SMOC2: variants seen among roughly 807,000 people sequenced by gnomAD.
The protein encoded by SMOC2 is SPARC related modular calcium binding 2.
Under a neutral mutation model 61.4 loss-of-function variants are expected in SMOC2, and 39 were observed. The ratio of observed to expected loss-of-function variants is 0.64; its 90% confidence interval spans 0.49 to 0.83. SMOC2 has a LOEUF of 0.83. SMOC2 is among the 40% of genes least tolerant of loss of function. The probability of loss-of-function intolerance (pLI) is 0.00; values close to 1 mark genes in which losing one functional copy is unlikely to be tolerated. For missense variants in SMOC2, 556 were observed against 592.9 expected, an observed-to-expected ratio of 0.94 and a Z score of 0.65; for synonymous variants, 247 against 239.9, an observed-to-expected ratio of 1.03 and a Z score of -0.27.
At chr6:168,494,834 G>A (rs951107299) in intron 1 of SMOC2, among the ~76,000 whole-genome samples, 1 of 152,344 alleles carries the variant, frequency 6.6e-6, no homozygotes, top group Middle Eastern at 3.4e-3. Context: ...CCCAGCTGCT[G>A]GGATGGAATC....
At position 168,565,740 on chromosome 6, in the gene SMOC2, G is replaced by A. The variant is rs1331143988; in HGVS notation, c.637+16537G>A. On this transcript the variant is annotated intron_variant, in intron 7 of 12. Coordinates refer to ENST00000356284, the MANE Select transcript of SMOC2 (RefSeq NM_001166412.2). ...CTGCTCTGTCCTCAGGTCTATTGAC[G>A]GCACCACCAACGCCATCACCCTTCT... Among the ~76,000 whole-genome samples, 6 of 152,120 alleles carry A rather than the reference G, an allele frequency of 3.9e-5. No individual in the cohort carries two copies. In the East Asian group the frequency reaches 9.6e-4, roughly 24 times the overall value.
chr6:168,661,905 A>G (rs1787518841), intron 11 of SMOC2, among the ~76,000 whole-genome samples: 1 of 152,242 alleles, frequency 6.6e-6, no homozygotes, highest in Admixed American at 6.5e-5. Context: ...CACTTAGACC[A>G]TTGAAACCAA....
intron 7 of SMOC2, among the ~76,000 whole-genome samples, chr6:168,595,391 C>T (rs894960982): frequency 2.6e-5 from 4 of 152,202 alleles, no homozygotes; most frequent in Non-Finnish European, 5.9e-5. Flanking sequence ...CCTCCTTGTT[C>T]CCTCTACCAG....
At chr6:168,538,154 G>A (rs1239656407) in intron 4 of SMOC2, among the ~76,000 whole-genome samples, 2 of 143,486 alleles carry the variant, frequency 1.4e-5, no homozygotes, top group Non-Finnish European at 3.0e-5. Flanking sequence ...GGTGTGGGGT[G>A]ACCCCTGCTG....
At chr6:168,597,030 C>G (rs548416724) in intron 7 of SMOC2, among the ~76,000 whole-genome samples, 1 of 152,216 alleles carries the variant, frequency 6.6e-6, no homozygotes, top group East Asian at 1.9e-4. Flanking sequence ...GCATTGTCAT[C>G]GTGAAGACAC....
chr6:168,515,229 T>C (rs760018231), intron 2 of SMOC2, among the ~76,000 whole-genome samples: 1 of 152,094 alleles, frequency 6.6e-6, no homozygotes, highest in African/African-American at 2.4e-5. Flanking sequence ...CTAACCAAAG[T>C]AGGTCTCACT....
Position 168,615,114 on chromosome 6 carries a change from G to C in SMOC2, c.907+6875G>C, listed in dbSNP as rs1463788333. Among the ~76,000 whole-genome samples, 59 of 37,374 alleles carry C rather than the reference G, an allele frequency of 1.6e-3. 11 individuals carry two copies. The highest frequency in any genetic ancestry group is 2.7e-3 in the Non-Finnish European group (55 of 20,442). The allele number at this position is 37,374 out of a possible 152,430, so 24.5% of individuals were successfully genotyped here. ...CTCTTCACACCTACAGCCAGCACAG[G>C]GGGCCTCTTTACATCTACAGCCAGC... On this transcript the variant is annotated intron_variant, in intron 9 of 12. Transcript: ENST00000356284.
intron 8 of SMOC2, among the ~76,000 whole-genome samples, chr6:168,606,891 G>A (rs1439885204): frequency 2.0e-5 from 3 of 152,144 alleles, no homozygotes; most frequent in Non-Finnish European, 4.4e-5. Flanking sequence ...AGGGCCTGAG[G>A]AGGCCGCCAC....
Position 168,453,109 on chromosome 6 carries a change from T to TTG in SMOC2, c.84+11655_84+11656insTG, listed in dbSNP as rs1781500973. ...CCTTGGCCGGACACTCAGGGCAATC[T>TTG]GCCCTGAGGAATTCAGGGCAGTGTG... On this transcript the variant is annotated intron_variant, in intron 1 of 12. Transcript: ENST00000356284. This position sits in a 1 kb window ranked among gnomAD's most constrained non-coding sequence, Gnocchi z 4.4. Among the ~76,000 whole-genome samples, 5 of 152,026 alleles carry TTG rather than the reference T, an allele frequency of 3.3e-5. No individual in the cohort carries two copies. Among genetic ancestry groups the TTG allele is most frequent in the African/African-American group, 2.4e-5 (1 of 41,426 alleles).
At chr6:168,540,053 G>GCT (rs909935377) in intron 4 of SMOC2, among the ~76,000 whole-genome samples, 2 of 152,220 alleles carry the variant, frequency 1.3e-5, no homozygotes, top group Non-Finnish European at 2.9e-5. Flanking sequence ...CACAGTAAGA[G>GCT]CTATATAGAC....
At chr6:168,498,474 C>T (rs888450001) in intron 1 of SMOC2, among the ~76,000 whole-genome samples, 7 of 152,142 alleles carry the variant, frequency 4.6e-5, no homozygotes, top group African/African-American at 9.7e-5. Context: ...AGGCTATCAG[C>T]GAATTTGTGA....
chr6:168,576,487 A>C (rs1234983105), intron 7 of SMOC2, among the ~76,000 whole-genome samples: 2 of 152,062 alleles, frequency 1.3e-5, no homozygotes, highest in Non-Finnish European at 2.9e-5. Context: ...AGCAGTCTAT[A>C]AAAGTGGTTC....
chr6:168,616,408 C>T (rs11964040), intron 9 of SMOC2, among the ~76,000 whole-genome samples: 39,131 of 151,982 alleles, frequency 0.26, 5,161 homozygotes, highest in Non-Finnish European at 0.27. Context: ...GGCTGGGATG[C>T]GAGGCTGTCT....
chr6:168,608,935 A>T (rs540847810), intron 9 of SMOC2, among the ~76,000 whole-genome samples: 1 of 152,272 alleles, frequency 6.6e-6, no homozygotes, highest in South Asian at 2.1e-4. Flanking sequence ...TACGTGCTTG[A>T]TCTTGTCTCA....
intron 1 of SMOC2, among the ~76,000 whole-genome samples, chr6:168,458,124 A>G (rs1781630413): frequency 6.6e-6 from 1 of 152,218 alleles, no homozygotes; most frequent in South Asian, 2.1e-4. Flanking sequence ...TGTGACCCAG[A>G]GGCCGGGCTG....
intron 2 of SMOC2, among the ~76,000 whole-genome samples, chr6:168,522,076 ATAT>A (rs1783341211): frequency 6.6e-6 from 1 of 152,242 alleles, no homozygotes; most frequent in Admixed American, 6.5e-5. Context: ...TAAAGTGTTA[ATAT>A]TATAATTTCC....
chr6:168,494,558 C>T (rs1473411985), intron 1 of SMOC2, among the ~76,000 whole-genome samples: 1 of 152,212 alleles, frequency 6.6e-6, no homozygotes, highest in Non-Finnish European at 1.5e-5. Flanking sequence ...TTTTCACAGC[C>T]AACAAGATAG....
At chr6:168,454,825 G>A (rs1422429642) in intron 1 of SMOC2, among the ~76,000 whole-genome samples, 2 of 152,242 alleles carry the variant, frequency 1.3e-5, no homozygotes, top group African/African-American at 4.8e-5. Flanking sequence ...TGCTGAAGAC[G>A]CTGCTGGGGA....
intron 1 of SMOC2, among the ~76,000 whole-genome samples, chr6:168,456,477 C>T (rs181487393): frequency 1.3e-5 from 2 of 152,288 alleles, no homozygotes; most frequent in East Asian, 1.9e-4. Flanking sequence ...CAGGTACCTT[C>T]GGTGCTGCGA....
Sources: gnomAD v4.1 joint callset for allele counts (sites outside exome capture counted in the v4.1 genomes callset) on GRCh38, gnomAD v4.1.1 for gene constraint, Gnocchi (gnomAD v3.1) non-coding constraint, MANE v1.5 for transcripts, NCBI Gene and HGNC (gene_info 2026-07-23, HGNC 2026-07-21) for gene names.